The following ITPR2 variants were observed in gnomAD, a reference collection of about 807,000 sequenced individuals.
ITPR2 encodes the protein inositol 1,4,5-trisphosphate receptor type 2.
Under a neutral mutation model 317.1 loss-of-function variants are expected in ITPR2, and 207 were observed. The ratio of observed to expected loss-of-function variants is 0.65; its 90% CI spans 0.58 to 0.73. The LOEUF (loss-of-function observed/expected upper bound fraction) is 0.73, where lower values mean the gene tolerates loss of function less well. Among genes scored for constraint, ITPR2 ranks in the 30% least tolerant of loss-of-function variants. ITPR2 has a pLI of 0.00. For synonymous variants in ITPR2, 1,156 were observed against 1,149.1 expected (o/e 1.01, Z -0.12); for missense variants, 2,613 against 3,284.0 (o/e 0.80, Z 4.99).
chr12:26,803,169 G>A (rs558671046), intron 1 of ITPR2, among the ~76,000 whole-genome samples: 4 of 152,172 alleles, frequency 2.6e-5, no homozygotes, highest in South Asian at 4.1e-4. Context: ...CAGAGGCTTA[G>A]GGTCTCCTAT....
At chr12:26,495,917 A>C (rs1185195214) in intron 37 of ITPR2, among the ~76,000 whole-genome samples, 2 of 152,216 alleles carry the variant, frequency 1.3e-5, no homozygotes, top group Admixed American at 1.3e-4. Flanking sequence ...AAAATGCTTT[A>C]TTCAGAAGAC....
Position 26,569,334 on chromosome 12 carries a change from G to C in ITPR2, c.4631-7382C>G, listed in dbSNP as rs575293421. Among the ~76,000 whole-genome samples, 7 of 152,132 alleles carry C rather than the reference G, an allele frequency of 4.6e-5. 1 individual carries two copies. Among genetic ancestry groups the C allele is most frequent in the Admixed American group, 1.3e-4 (2 of 15,266 alleles). On this transcript the variant is annotated intron_variant, in intron 34 of 56. Transcript: ENST00000381340. ...TTAGGGAGGTCAAGGCGGGTGGATT[G>C]ATTGAGCCCAGAAATTTGAGACCAC... is the stretch of plus-strand genomic sequence containing the variant.
At chr12:26,815,379 A>G (rs1341558888) in intron 1 of ITPR2, among the ~76,000 whole-genome samples, 3 of 152,236 alleles carry the variant, frequency 2.0e-5, no homozygotes, top group African/African-American at 4.8e-5. Context: ...CAGCTGTCCA[A>G]TGAAAACATG....
intron 48 of ITPR2, among the ~76,000 whole-genome samples, chr12:26,432,532 T>C (rs984823659): frequency 2.0e-5 from 3 of 151,402 alleles, no homozygotes; most frequent in Non-Finnish European, 4.4e-5. Context: ...GGGGACAGAA[T>C]TGTACATTAT....
intron 26 of ITPR2, among the ~76,000 whole-genome samples, chr12:26,612,117 T>C (rs12228321): frequency 0.23 from 35,238 of 152,168 alleles, 4,499 homozygotes; most frequent in East Asian, 0.51. Context: ...TTTTGGATTA[T>C]AAACTGAGAT....
intron 10 of ITPR2, among the ~76,000 whole-genome samples, chr12:26,692,800 A>T (rs569905696): frequency 3.9e-5 from 6 of 152,314 alleles, no homozygotes; most frequent in Admixed American, 2.0e-4. Flanking sequence ...ACAAAAAAAA[A>T]ATATTAACTG....
In ITPR2 at chr12:26,629,022, GC is replaced by G. The variant is rs1307572829; in HGVS notation, c.2935-861del. Among the ~76,000 whole-genome samples, 10 of 152,268 alleles carry G rather than the reference GC, an allele frequency of 6.6e-5. No individual in the cohort carries two copies. The East Asian group carries it at 1.9e-3, about 29-fold the overall frequency. ...TTGTTTCAGCATAATTATTAATGGTGCCCCTACATTCTCAAAAGTGTCGTAT... is the reference window on the plus strand; with the variant it reads ...TTGTTTCAGCATAATTATTAATGGTGCCCTACATTCTCAAAAGTGTCGTAT... On this transcript the variant is annotated intron_variant, in intron 22 of 56. Coordinates refer to ENST00000381340, the MANE Select transcript of ITPR2 (RefSeq NM_002223.4).
At chr12:26,426,026 A>G (rs1941050407) in intron 49 of ITPR2, among the ~76,000 whole-genome samples, 1 of 152,228 alleles carries the variant, frequency 6.6e-6, no homozygotes. Flanking sequence ...CCAAAAACAA[A>G]GGAAATGCAA....
chr12:26,622,119 G>A, intron 25 of ITPR2, 121 bp downstream of exon 25: 1 of 774,120 alleles, frequency 1.3e-6, no homozygotes, highest in Non-Finnish European at 1.9e-6. Flanking sequence ...TTTAAAAATA[G>A]AAAGTGTCTC....
At chr12:26,380,742 G>A (rs1041465946) in intron 55 of ITPR2, among the ~76,000 whole-genome samples, 1 of 152,174 alleles carries the variant, frequency 6.6e-6, no homozygotes, top group Non-Finnish European at 1.5e-5. Flanking sequence ...GGGGTGCATA[G>A]AAATCTTAGA....
intron 50 of ITPR2, among the ~76,000 whole-genome samples, chr12:26,416,416 T>A (rs1940722189): frequency 6.6e-6 from 1 of 152,190 alleles, no homozygotes; most frequent in Non-Finnish European, 1.5e-5. Context: ...ATAGTATTTT[T>A]AAAATTGGAA....
rs763236152 is a variant in ITPR2 at position 26,483,767 on chromosome 12, A to T, written c.5943T>A (p.Asn1981Lys). The T allele has an allele frequency of 1.9e-6, 3 of 1,614,138 alleles. No homozygotes were observed. In the South Asian group the frequency reaches 3.3e-5, roughly 18 times the overall value. The change falls in exon 42 of 57, where the codon AAT (asparagine) becomes AAA (lysine). Residue 1981 changes from asparagine (N) to lysine (K), a missense_variant. By Grantham distance (94) the Asn-to-Lys change is moderately conservative. Coordinates refer to ENST00000381340, the MANE Select transcript of ITPR2 (RefSeq NM_002223.4). The stretch of plus-strand genomic sequence containing the variant: ...CCAGGTTCTGGTTGACCAGCGCTAC[A>T]TTCTTCTCATTGATGTAGAGACCCA... Reference protein sequence around the residue: ...GLLGLYINEKNVALVNQNLES... With the variant: ...GLLGLYINEKKVALVNQNLES...
intron 13 of ITPR2, among the ~76,000 whole-genome samples, chr12:26,677,797 C>A (rs544400344): frequency 4.6e-5 from 7 of 152,042 alleles, no homozygotes; most frequent in Non-Finnish European, 2.9e-5. Flanking sequence ...AAATATTAAA[C>A]AAAAGATTGC....
intron 10 of ITPR2, among the ~76,000 whole-genome samples, chr12:26,691,824 G>A (rs774422544): frequency 3.3e-5 from 5 of 151,850 alleles, no homozygotes; most frequent in South Asian, 2.1e-4. Flanking sequence ...ACCTGTGAGC[G>A]GCCACAGCAG....
intron 37 of ITPR2, among the ~76,000 whole-genome samples, chr12:26,523,984 G>A (rs1943738743): frequency 6.6e-6 from 1 of 152,194 alleles, no homozygotes; most frequent in Non-Finnish European, 1.5e-5. Flanking sequence ...CACGGAGTGT[G>A]CACATGTACT....
Position 26,597,151 on chromosome 12 carries a change from A to C in ITPR2, c.4003-17T>G, listed in dbSNP as rs775866863. The C allele has an allele frequency of 6.2e-7, 1 of 1,613,048 alleles. No homozygotes were observed. The highest frequency in any genetic ancestry group is 1.3e-5 in the African/African-American group (1 of 75,044). Reference sequence around the variant, plus strand: ...ATTTATCAACTGAAATGATAATAAGAGAGTCTATGTAGCAGTCCGAACATT... The same window carrying C: ...ATTTATCAACTGAAATGATAATAAGCGAGTCTATGTAGCAGTCCGAACATT... On this transcript the variant is annotated splice_polypyrimidine_tract_variant and intron_variant, in intron 30 of 56. Coordinates refer to ENST00000381340, the MANE Select transcript of ITPR2 (RefSeq NM_002223.4).
chr12:26,499,276 C>T (rs772929344), intron 37 of ITPR2, among the ~76,000 whole-genome samples: 39 of 152,094 alleles, frequency 2.6e-4, no homozygotes, highest in Non-Finnish European at 2.1e-4. Context: ...CAAAATCAAA[C>T]GAGTAACACT....
intron 2 of ITPR2, among the ~76,000 whole-genome samples, chr12:26,770,887 A>C (rs896131472): frequency 3.3e-5 from 5 of 152,244 alleles, no homozygotes; most frequent in Admixed American, 3.3e-4. Flanking sequence ...AGGTGTGGGT[A>C]GAGCCATGTT....
Position 26,762,569 on chromosome 12 carries a change from G to A in ITPR2, c.163+27588C>T, listed in dbSNP as rs1335899133. Reference sequence around the variant, plus strand: ...GACCTGCCTAACAAGAAATGCTGAAGGCATTTCCTAAAGTTGAAGTGAAAG... The same window carrying A: ...GACCTGCCTAACAAGAAATGCTGAAAGCATTTCCTAAAGTTGAAGTGAAAG... On this transcript the variant is annotated intron_variant, in intron 2 of 56. Transcript: ENST00000381340. 2.0e-5 allele frequency among the ~76,000 whole-genome samples: 3 copies of A among 152,102 alleles called. No homozygotes were observed. In the East Asian group the frequency reaches 5.8e-4, roughly 29 times the overall value.
Sources: allele counts gnomAD v4.1 joint callset (sites outside exome capture counted in the v4.1 genomes callset), GRCh38; gene constraint gnomAD v4.1.1; transcripts MANE v1.5; gene names NCBI Gene and HGNC (gene_info 2026-07-23, HGNC 2026-07-21).